The following TCF4 variants were observed in gnomAD, a reference collection of about 807,000 sequenced individuals.
TCF4 encodes SL3-3 enhancer factor 2.
TCF4 carries 3 observed loss-of-function variants against 82.1 expected under a neutral mutation model. The observed-to-expected ratio is 0.04, with a 90% confidence interval of 0.02 to 0.09. The LOEUF (loss-of-function observed/expected upper bound fraction) is 0.09, where lower values mean the gene tolerates loss of function less well. TCF4 is among the 10% of genes least tolerant of loss of function. The pLI is 1.00. For synonymous variants in TCF4, 276 were observed against 309.6 expected, an observed-to-expected ratio of 0.89 and a Z score of 1.14; for missense variants, 518 against 852.7, an observed-to-expected ratio of 0.61 and a Z score of 4.89.
At chr18:55,619,614 T>C (rs891045367) in intron 2 of TCF4, among the ~76,000 whole-genome samples, 3 of 152,198 alleles carry the variant, frequency 2.0e-5, no homozygotes, top group Non-Finnish European at 4.4e-5. Context: ...TTAGAAGAAA[T>C]GGGATATAGT....
rs556160714 is a variant in TCF4, at chr18:55,460,362, C to T, written c.304+657G>A. On this transcript the variant is annotated intron_variant, in intron 5 of 19. Transcript: ENST00000354452. ...AGTTACTGCTGTTAAACAAACATCC[C>T]TACAGGGTAGCCAAAAGCAGAAAAA... Among the ~76,000 whole-genome samples, 157 of 152,160 alleles carry T rather than the reference C, an allele frequency of 1.0e-3. 2 individuals carry two copies. In the South Asian group the frequency reaches 0.011, roughly 10 times the overall value.
chr18:55,395,595 T>G (rs891936630), intron 6 of TCF4, among the ~76,000 whole-genome samples: 33 of 152,348 alleles, frequency 2.2e-4, no homozygotes, highest in African/African-American at 6.5e-4. Flanking sequence ...GAGGGCTAAA[T>G]GCCATAATCG....
At position 55,351,021 on chromosome 18, in the gene TCF4, G is replaced by C. The variant is rs1299651790; in HGVS notation, c.370-18C>G. The C allele has an allele frequency of 6.2e-7, 1 of 1,612,706 alleles. No homozygotes were observed. The highest frequency in any genetic ancestry group is 8.5e-7 in the Non-Finnish European group (1 of 1,179,150). On this transcript the variant is annotated intron_variant, in intron 6 of 19. Transcript: ENST00000354452. ...AGACTCTGCTAAAAGGTTAAAAAGG[G>C]AAAACAAACATATAAGGTTAATTTT...
intron 6 of TCF4, among the ~76,000 whole-genome samples, chr18:55,382,997 G>A (rs899703884): frequency 3.9e-5 from 6 of 152,244 alleles, no homozygotes; most frequent in African/African-American, 1.4e-4. Context: ...GTTAGGACAA[G>A]AACTCAGTTA....
At chr18:55,555,401 C>T (rs1381255450) in intron 3 of TCF4, among the ~76,000 whole-genome samples, 2 of 152,118 alleles carry the variant, frequency 1.3e-5, no homozygotes, top group African/African-American at 4.8e-5. Flanking sequence ...AACCATATAT[C>T]CAGGGCACAA....
intron 5 of TCF4, among the ~76,000 whole-genome samples, chr18:55,430,449 T>G (rs946157863): frequency 1.3e-5 from 2 of 152,192 alleles, no homozygotes; most frequent in African/African-American, 4.8e-5. Context: ...ACAATTGCAT[T>G]TGGGCTCCCA....
At chr18:55,282,147 A>T (rs2062742185) in intron 8 of TCF4, among the ~76,000 whole-genome samples, 1 of 151,964 alleles carries the variant, frequency 6.6e-6, no homozygotes, top group African/African-American at 2.4e-5. Flanking sequence ...CTCAAAAGTT[A>T]TTTTCAAGGT....
rs1328141087 is a variant in TCF4, at chr18:55,225,898, TG to T, written c.*2136del. ...CACACACAGCTAATCAAAATGTTTA[TG>T]GGTTTGTAAAAGATGACCACGTGGT... On this transcript the variant is annotated 3_prime_UTR_variant, in exon 20 of 20. Coordinates refer to ENST00000354452, the MANE Select transcript of TCF4 (RefSeq NM_001083962.2). 6.6e-6 allele frequency: 1 copy of T among 152,626 alleles called. No individual in the cohort carries two copies. The highest frequency in any genetic ancestry group is 1.5e-5 in the Non-Finnish European group (1 of 68,010). 9.5% of individuals were successfully genotyped at this position (152,626 alleles called of 1,614,324 possible).
At chr18:55,369,051 T>C (rs2088120808) in intron 6 of TCF4, among the ~76,000 whole-genome samples, 1 of 152,176 alleles carries the variant, frequency 6.6e-6, no homozygotes, top group Admixed American at 6.5e-5. Flanking sequence ...GAACATAAAG[T>C]GAAGGGGATA....
intron 6 of TCF4, among the ~76,000 whole-genome samples, chr18:55,399,853 A>ATCTCTCTCTCTCTCTCTCTC (rs35948563): frequency 1.3e-4 from 11 of 83,784 alleles, no homozygotes; most frequent in Non-Finnish European, 1.9e-4. Flanking sequence ...CTCTCTCCCC[A>ATCTCTCTCTCTCTCTCTCTC]TCTCTCTCTC....
chr18:55,423,454 C>CAA (rs1556305779), intron 5 of TCF4: 12 of 150,694 alleles, frequency 8.0e-5, no homozygotes, highest in African/African-American at 1.7e-4. Context: ...CACACACACA[C>CAA]AATCAAGCAA....
At chr18:55,256,354 AC>A (rs2056834521) in intron 14 of TCF4, among the ~76,000 whole-genome samples, 1 of 152,104 alleles carries the variant, frequency 6.6e-6, no homozygotes. Context: ...CACTAAAACA[AC>A]TAATTATGTG....
chr18:55,457,658 TG>T (rs1455379748), intron 5 of TCF4, among the ~76,000 whole-genome samples: 7 of 152,196 alleles, frequency 4.6e-5, no homozygotes, highest in African/African-American at 1.7e-4. Context: ...GCTAAGTTTT[TG>T]TATTTTTGGT....
intron 3 of TCF4, among the ~76,000 whole-genome samples, chr18:55,567,395 C>T (rs1285777885): frequency 6.6e-6 from 1 of 152,164 alleles, no homozygotes; most frequent in East Asian, 1.9e-4. Context: ...CAAATTATTT[C>T]AATCTACTTT....
chr18:55,563,238 CAAAAA>C (rs74182105), intron 3 of TCF4, among the ~76,000 whole-genome samples: 1 of 68,160 alleles, frequency 1.5e-5, no homozygotes, highest in African/African-American at 6.6e-5. Context: ...GACCCTGTCT[CAAAAA>C]AAAAAAAAAA....
chr18:55,601,922 C>T lies in TCF4; in HGVS notation c.287-14786G>A, dbSNP rs553881961. On this transcript the variant is annotated intron_variant, in intron 2 of 20. Coordinates refer to the TCF4 transcript ENST00000398339. ...ACTGTGCAACTTATAAGTCACCTGTCTAGTCATTAGGGATTTTTAAAATAT... is the reference window on the plus strand; with the variant it reads ...ACTGTGCAACTTATAAGTCACCTGTTTAGTCATTAGGGATTTTTAAAATAT... 2.0e-5 allele frequency among the ~76,000 whole-genome samples: 3 copies of T among 152,290 alleles called. No homozygotes were observed. In the East Asian group the frequency reaches 5.8e-4, roughly 29 times the overall value.
intron 3 of TCF4, among the ~76,000 whole-genome samples, chr18:55,530,212 C>T (rs192677416): frequency 1.1e-4 from 17 of 152,196 alleles, no homozygotes; most frequent in Admixed American, 9.2e-4. Context: ...AAAATGGGGA[C>T]TAAAACAGGT....
chr18:55,519,428 C>T (rs1396561544), intron 3 of TCF4, among the ~76,000 whole-genome samples: 3 of 142,304 alleles, frequency 2.1e-5, no homozygotes, highest in African/African-American at 7.7e-5. Context: ...AGTGAGACCC[C>T]GTCTCAAAAA....
At chr18:55,572,782 G>A (rs750002900) in intron 3 of TCF4, among the ~76,000 whole-genome samples, 14 of 152,090 alleles carry the variant, frequency 9.2e-5, no homozygotes, top group Non-Finnish European at 1.8e-4. Context: ...GGCTAGGCTC[G>A]GTGGCTCACG....
Sources: allele counts gnomAD v4.1 joint callset (sites outside exome capture counted in the v4.1 genomes callset), GRCh38; gene constraint gnomAD v4.1.1; transcripts MANE v1.5; gene names NCBI Gene and HGNC (gene_info 2026-07-23, HGNC 2026-07-21).